Variants in LRMDA observed in about 807,000 individuals in gnomAD.
LRMDA encodes leucine rich melanocyte differentiation associated.
LRMDA carries 18 observed loss-of-function variants against 29.8 expected under a neutral mutation model. The observed-to-expected ratio is 0.60, with a 90% CI of 0.42 to 0.90. The LOEUF (loss-of-function observed/expected upper bound fraction) is 0.90, where lower values mean the gene tolerates loss of function less well. Ranked by LOEUF, LRMDA falls within the 40% of genes least tolerant of loss-of-function variation. The pLI, the probability that LRMDA is intolerant of heterozygous loss-of-function variation, is 0.00. For synonymous variants in LRMDA, 125 were observed against 109.4 expected, an observed-to-expected ratio of 1.14 and a Z score of -0.89; for missense variants, 273 against 273.9, an observed-to-expected ratio of 1.00 and a Z score of 0.02.
At chr10:75,849,436 A>C (rs992071510) in intron 2 of LRMDA, among the ~76,000 whole-genome samples, 7 of 152,152 alleles carry the variant, frequency 4.6e-5, no homozygotes, top group Admixed American at 4.6e-4. Flanking sequence ...AAAAGGAATG[A>C]GATCATGTCC....
intron 2 of LRMDA, among the ~76,000 whole-genome samples, chr10:75,692,719 G>A (rs560895954): frequency 6.6e-6 from 1 of 151,880 alleles, no homozygotes; most frequent in South Asian, 2.1e-4. Flanking sequence ...CCTATGAGTC[G>A]CCTTTGTTTC....
intron 2 of LRMDA, among the ~76,000 whole-genome samples, chr10:75,442,567 A>C (rs902505265): frequency 6.6e-6 from 1 of 152,160 alleles, no homozygotes; most frequent in Non-Finnish European, 1.5e-5. Context: ...TTGACTGTCA[A>C]TGCAGATTTA....
chr10:76,043,885 G>A (rs775365435), intron 3 of LRMDA, among the ~76,000 whole-genome samples: 1 of 152,234 alleles, frequency 6.6e-6, no homozygotes, highest in South Asian at 2.1e-4. Flanking sequence ...AGAAAAAAGA[G>A]CCAAGCTTTG....
intron 2 of LRMDA, among the ~76,000 whole-genome samples, chr10:75,525,170 G>T (rs1300904940): frequency 2.6e-5 from 4 of 152,158 alleles, no homozygotes; most frequent in African/African-American, 9.7e-5. Context: ...ATCCTCACTT[G>T]GATCCTCTGA....
chr10:76,153,664 C>A (rs1453540000), intron 5 of LRMDA, among the ~76,000 whole-genome samples: 1 of 152,110 alleles, frequency 6.6e-6, no homozygotes, highest in African/African-American at 2.4e-5. Flanking sequence ...TAAAAGTATT[C>A]TATATAATTA....
At chr10:75,599,015 C>T (rs1349581007) in intron 2 of LRMDA, among the ~76,000 whole-genome samples, 1 of 151,488 alleles carries the variant, frequency 6.6e-6, no homozygotes, top group African/African-American at 2.4e-5. Context: ...GGGGCAGGGG[C>T]AAGGGAAGAG....
chr10:75,462,969 G>A (rs1844604877), intron 2 of LRMDA, among the ~76,000 whole-genome samples: 1 of 152,198 alleles, frequency 6.6e-6, no homozygotes, highest in South Asian at 2.1e-4. Context: ...ACAATTAGCG[G>A]GGAGCAAACT....
chr10:75,848,418 T>A (rs1263397010), intron 2 of LRMDA, among the ~76,000 whole-genome samples: 1 of 152,128 alleles, frequency 6.6e-6, no homozygotes, highest in Non-Finnish European at 1.5e-5. Flanking sequence ...GGTTGTGGAG[T>A]GGAGGCCCAT....
intron 2 of LRMDA, among the ~76,000 whole-genome samples, chr10:75,516,311 A>C (rs946418126): frequency 6.6e-6 from 1 of 152,068 alleles, no homozygotes; most frequent in African/African-American, 2.4e-5. Context: ...ACTAATTTAC[A>C]CTCCCACCAA....
intron 2 of LRMDA, among the ~76,000 whole-genome samples, chr10:75,781,289 C>T (rs964918265): frequency 6.6e-6 from 1 of 152,206 alleles, no homozygotes; most frequent in Non-Finnish European, 1.5e-5. Context: ...TCATAATAAC[C>T]TCCGATACAT....
At chr10:76,358,700 G>A (rs1841272422) in intron 6 of LRMDA, among the ~76,000 whole-genome samples, 1 of 152,136 alleles carries the variant, frequency 6.6e-6, no homozygotes, top group African/African-American at 2.4e-5. Context: ...GATTTTATCT[G>A]CACATCAACA....
rs773726199 is a variant in LRMDA at position 75,462,834 on chromosome 10, C to T, written c.131+24340C>T. On this transcript the variant is annotated intron_variant, in intron 2 of 6. Transcript: ENST00000611255. ...AAAACATTCCAGGTAGGATTCTGGGCGTTGATTTGCATGTGTTTTGAGATA... is the reference window on the plus strand; with the variant it reads ...AAAACATTCCAGGTAGGATTCTGGGTGTTGATTTGCATGTGTTTTGAGATA... Among the ~76,000 whole-genome samples, 3 of 152,118 alleles carry T rather than the reference C, an allele frequency of 2.0e-5. No homozygotes were observed. In the East Asian group the frequency reaches 5.8e-4, roughly 29 times the overall value.
At chr10:76,060,374 C>T (rs1028202284) in intron 5 of LRMDA, among the ~76,000 whole-genome samples, 1 of 152,156 alleles carries the variant, frequency 6.6e-6, no homozygotes, top group African/African-American at 2.4e-5. Context: ...TCAGTGCATG[C>T]CCACCCCCCA....
chr10:75,431,778 C>G lies in LRMDA; in HGVS notation c.30+24C>G, dbSNP rs1844200428. 3 of 1,350,734 alleles carry G rather than the reference C, an allele frequency of 2.2e-6. No homozygotes were observed. In the East Asian group the frequency reaches 9.2e-5, roughly 41 times the overall value. 83.7% of individuals were successfully genotyped at this position (1,350,734 alleles called of 1,614,324 possible). The stretch of plus-strand genomic sequence containing the variant: ...AAGTAAGTCCCGGCCAGCCCCGCCT[C>G]CGCCCGGGGCGCAGTCCGCGTGGGG... On this transcript the variant is annotated intron_variant, in intron 1 of 6. Coordinates refer to ENST00000611255, the MANE Select transcript of LRMDA (RefSeq NM_001305581.2).
intron 6 of LRMDA, among the ~76,000 whole-genome samples, chr10:76,519,678 A>T (rs958939067): frequency 7.2e-5 from 11 of 152,170 alleles, no homozygotes; most frequent in African/African-American, 2.7e-4. Flanking sequence ...TCACTACATG[A>T]TCACAAACAT....
chr10:75,853,430 AGG>A (rs1347828997), intron 2 of LRMDA, among the ~76,000 whole-genome samples: 1 of 107,852 alleles, frequency 9.3e-6, no homozygotes, highest in Non-Finnish European at 2.0e-5. Context: ...CCTAAAGAAG[AGG>A]GGTGTGTGTG....
intron 2 of LRMDA, among the ~76,000 whole-genome samples, chr10:75,962,540 A>C (rs1255211022): frequency 6.6e-6 from 1 of 152,216 alleles, no homozygotes; most frequent in African/African-American, 2.4e-5. Context: ...AAATGTCAAC[A>C]TCTGAAACAT....
chr10:76,269,269 T>C (rs1840040000), intron 5 of LRMDA, among the ~76,000 whole-genome samples: 1 of 152,162 alleles, frequency 6.6e-6, no homozygotes, highest in Non-Finnish European at 1.5e-5. Context: ...GCTTCCCTTT[T>C]ATGATGTCCA....
intron 2 of LRMDA, among the ~76,000 whole-genome samples, chr10:75,871,848 C>T (rs1366089590): frequency 5.3e-5 from 8 of 152,204 alleles, no homozygotes; most frequent in African/African-American, 1.9e-4. Flanking sequence ...AACCAGGTTC[C>T]TTAAGGGCAG....
Sources: gnomAD v4.1 joint callset for allele counts (sites outside exome capture counted in the v4.1 genomes callset) on GRCh38, gnomAD v4.1.1 for gene constraint, MANE v1.5 for transcripts, NCBI Gene and HGNC (gene_info 2026-07-23, HGNC 2026-07-21) for gene names.